Variants in SNTG2 observed in about 807,000 individuals in gnomAD.
SNTG2 encodes gamma-2-syntrophin.
SNTG2 carries 74 observed loss-of-function variants against 70.9 expected under a neutral mutation model. The ratio of observed to expected loss-of-function variants is 1.04; its 90% CI spans 0.86 to 1.27. The LOEUF (loss-of-function observed/expected upper bound fraction) is 1.27, where lower values mean the gene tolerates loss of function less well. Among genes scored for constraint, SNTG2 ranks in the 50% most tolerant of loss-of-function variants. SNTG2 has a pLI of 0.00. For missense variants in SNTG2, 717 were observed against 690.7 expected (o/e 1.04, Z -0.43); for synonymous variants, 278 against 273.8 (o/e 1.02, Z -0.15).
intron 15 of SNTG2, among the ~76,000 whole-genome samples, chr2:1,310,595 C>T (rs965704258): frequency 6.6e-6 from 1 of 152,170 alleles, no homozygotes; most frequent in Non-Finnish European, 1.5e-5. Context: ...CATTGCTCAA[C>T]ATGAAGACAC....
intron 16 of SNTG2, among the ~76,000 whole-genome samples, chr2:1,333,807 A>G (rs1659656978): frequency 6.6e-6 from 1 of 152,244 alleles, no homozygotes; most frequent in Admixed American, 6.5e-5. Context: ...TCAAAGACTT[A>G]AATCTAAGAC....
chr2:1,024,864 C>T (rs1660386820), intron 1 of SNTG2, among the ~76,000 whole-genome samples: 1 of 152,058 alleles, frequency 6.6e-6, no homozygotes, highest in Non-Finnish European at 1.5e-5. Flanking sequence ...GTGTACTCTA[C>T]CAAGAAATAA....
At chr2:1,194,376 A>G (rs34895780) in intron 8 of SNTG2, among the ~76,000 whole-genome samples, 31,163 of 152,076 alleles carry the variant, frequency 0.2, 3,778 homozygotes, top group African/African-American at 0.35. Context: ...GTGACCACAT[A>G]CAGCTGTGAA....
At chr2:1,027,564 G>A (rs1226679388) in intron 1 of SNTG2, among the ~76,000 whole-genome samples, 2 of 148,922 alleles carry the variant, frequency 1.3e-5, no homozygotes, top group East Asian at 4.0e-4. Flanking sequence ...GTTGAGTAAA[G>A]AGATAAGCAG....
At chr2:1,059,439 A>G (rs570370384) in intron 1 of SNTG2, 16 of 152,318 alleles carry the variant, frequency 1.1e-4, no homozygotes, top group African/African-American at 3.8e-4. Context: ...TACAATGTGA[A>G]GTTTACTAGA....
intron 6 of SNTG2, among the ~76,000 whole-genome samples, chr2:1,156,696 C>T (rs901000977): frequency 7.2e-5 from 11 of 152,000 alleles, no homozygotes; most frequent in African/African-American, 2.4e-4. Context: ...ACCAGGGGTT[C>T]GGTTTGAGGA....
chr2:1,051,208 C>CCTTCCTTCCTTCCTT (rs1662055425), intron 1 of SNTG2, among the ~76,000 whole-genome samples: 7 of 122,178 alleles, frequency 5.7e-5, no homozygotes, highest in Non-Finnish European at 1.2e-4. Flanking sequence ...CTCCCTTCCT[C>CCTTCCTTCCTTCCTT]CCTTCCTTCC....
chr2:1,012,234 A>G (rs1294534282), intron 1 of SNTG2, among the ~76,000 whole-genome samples: 1 of 152,262 alleles, frequency 6.6e-6, no homozygotes, highest in Non-Finnish European at 1.5e-5. Context: ...GGATGCCTAC[A>G]TTGCCAGGGA....
intron 4 of SNTG2, among the ~76,000 whole-genome samples, chr2:1,129,993 A>C (rs1030748263): frequency 6.6e-6 from 1 of 152,242 alleles, no homozygotes; most frequent in Non-Finnish European, 1.5e-5. Context: ...GAGCAAGTCT[A>C]CTTCTTATTG....
intron 1 of SNTG2, among the ~76,000 whole-genome samples, chr2:1,036,872 C>T (rs112244201): frequency 6.6e-6 from 1 of 152,284 alleles, no homozygotes; most frequent in Non-Finnish European, 1.5e-5. Context: ...TCTCTCTCTG[C>T]GTCTTATTAG....
intron 9 of SNTG2, among the ~76,000 whole-genome samples, chr2:1,225,658 C>T (rs1037291534): frequency 1.3e-5 from 2 of 152,216 alleles, no homozygotes; most frequent in African/African-American, 4.8e-5. Context: ...GTCCTGTGAC[C>T]TCCCAGTGTG....
chr2:1,328,273 G>C (rs1381919181), intron 16 of SNTG2, among the ~76,000 whole-genome samples: 1 of 152,082 alleles, frequency 6.6e-6, no homozygotes, highest in Non-Finnish European at 1.5e-5. Flanking sequence ...GTACCATGTA[G>C]GTAATATACA....
intron 11 of SNTG2, among the ~76,000 whole-genome samples, chr2:1,243,160 G>A (rs1404533043): frequency 2.6e-5 from 4 of 152,128 alleles, no homozygotes; most frequent in Admixed American, 6.5e-5. Flanking sequence ...GATTACTGGC[G>A]GTCTATTATT....
Position 1,255,895 on chromosome 2 carries a change from AATATATATAT to A in SNTG2, c.1006-3473_1006-3464del, listed in dbSNP as rs1362050677. Among the ~76,000 whole-genome samples, 8 of 63,892 alleles carry A rather than the reference AATATATATAT, an allele frequency of 1.3e-4. 1 individual carries two copies. The highest frequency in any genetic ancestry group is 6.7e-4 in the South Asian group (1 of 1,498). 41.9% of individuals were successfully genotyped at this position (63,892 alleles called of 152,430 possible). On this transcript the variant is annotated intron_variant, in intron 12 of 16. Coordinates refer to ENST00000308624, the MANE Select transcript of SNTG2 (RefSeq NM_018968.4). ...ATAAATATATATATAAATATATATA[AATATATATAT>A]AAATATATATATAAATATATAAATA...
chr2:1,006,411 A>AAAG lies in SNTG2; in HGVS notation c.72+55344_72+55345insAGA, dbSNP rs78427237. Among the ~76,000 whole-genome samples, 593 of 151,408 alleles carry AAAG rather than the reference A, an allele frequency of 3.9e-3. 2 individuals are homozygous for AAAG. Among genetic ancestry groups the AAAG allele is most frequent in the African/African-American group, 0.01 (414 of 41,304 alleles). ...AAATAAAGTAGAATTTCAAAAAAAAAAGAAAATTCTATTAATACGTATTTG... is the reference window on the plus strand; with the variant it reads ...AAATAAAGTAGAATTTCAAAAAAAAAAAGAGAAAATTCTATTAATACGTATTTG... On this transcript the variant is annotated intron_variant, in intron 1 of 16. Transcript: ENST00000308624.
At chr2:1,151,249 G>GCGGGCTGTCTCTGGGGGGTGTCTGCGA (rs1669467597) in intron 6 of SNTG2, among the ~76,000 whole-genome samples, 1 of 143,772 alleles carries the variant, frequency 7.0e-6, no homozygotes, top group Non-Finnish European at 1.5e-5. Context: ...TCAGGCTGCG[G>GCGGGCTGTCTCTGGGGGGTGTCTGCGA]TCCCATCTGT....
At chr2:1,214,716 AG>A (rs1405556246) in intron 9 of SNTG2, among the ~76,000 whole-genome samples, 1 of 152,022 alleles carries the variant, frequency 6.6e-6, no homozygotes, top group Admixed American at 6.5e-5. Context: ...TTTTCTATTT[AG>A]ATGTGTTTTA....
At chr2:1,043,959 G>T (rs1371851249) in intron 1 of SNTG2, among the ~76,000 whole-genome samples, 11 of 152,166 alleles carry the variant, frequency 7.2e-5, no homozygotes, top group Non-Finnish European at 1.3e-4. Flanking sequence ...AATATTGGTA[G>T]TTTGATGGGA....
At chr2:1,056,876 C>T (rs1271378812) in intron 1 of SNTG2, among the ~76,000 whole-genome samples, 2 of 92,878 alleles carry the variant, frequency 2.2e-5, no homozygotes, top group Non-Finnish European at 4.1e-5. Flanking sequence ...CACGGCGCCC[C>T]GCTGTGCTGT....
Sources: gnomAD v4.1 joint callset for allele counts (sites outside exome capture counted in the v4.1 genomes callset) on GRCh38, gnomAD v4.1.1 for gene constraint, MANE v1.5 for transcripts, NCBI Gene and HGNC (gene_info 2026-07-23, HGNC 2026-07-21) for gene names.